The following BLMH variants were observed in gnomAD, a reference collection of about 807,000 sequenced individuals.
BLMH encodes the protein bleomycin hydrolase.
Under a neutral mutation model 61.6 loss-of-function variants are expected in BLMH, and 32 were observed. That is an observed-to-expected ratio of 0.52 (90% CI 0.39 to 0.70). The LOEUF (loss-of-function observed/expected upper bound fraction) is 0.70. BLMH is among the 30% of genes least tolerant of loss of function. The pLI, the probability that BLMH is intolerant of heterozygous loss-of-function variation, is 0.00. For synonymous variants in BLMH, 183 were observed against 193.8 expected, an observed-to-expected ratio of 0.94 and a Z score of 0.46; for missense variants, 460 against 555.5, an observed-to-expected ratio of 0.83 and a Z score of 1.73.
intron 3 of BLMH, among the ~76,000 whole-genome samples, chr17:30,288,502 A>G (rs942415078): frequency 6.6e-6 from 1 of 151,908 alleles, no homozygotes; most frequent in Non-Finnish European, 1.5e-5. Context: ...ACAGGTGTGC[A>G]CCACGCGTGG....
At position 30,291,424 on chromosome 17, in the gene BLMH, G is replaced by C. The variant is rs774924295; in HGVS notation, c.98C>G (p.Thr33Ser). 4.3e-6 allele frequency: 7 copies of C among 1,614,224 alleles called. No individual in the cohort carries two copies. In the South Asian group the frequency reaches 5.5e-5, roughly 13 times the overall value. The change falls in exon 2 of 12, where the codon ACC becomes AGC. Residue 33 changes from threonine (T) to serine (S), a missense_variant. By Grantham distance (58) the Thr-to-Ser change is moderately conservative. Coordinates refer to ENST00000261714, the MANE Select transcript of BLMH (RefSeq NM_000386.4). ...CAGACAGATGTCCAGCAGGTCGTGG[G>C]TGGTCCCGACATTCTGGGCAAGTAC... ...QFVLAQNVGT[T>S]HDLLDICLKR... is the part of the protein sequence containing the mutation.
intron 6 of BLMH, among the ~76,000 whole-genome samples, chr17:30,278,616 C>T (rs1222838983): frequency 6.6e-6 from 1 of 152,116 alleles, no homozygotes; most frequent in Non-Finnish European, 1.5e-5. Context: ...TCTCCAATGC[C>T]TAGAATAGTG....
chr17:30,290,787 T>C (rs560154214), intron 2 of BLMH, among the ~76,000 whole-genome samples: 1 of 152,322 alleles, frequency 6.6e-6, no homozygotes, highest in Admixed American at 6.5e-5. Context: ...GAACAGAACT[T>C]TTTTCTGTAT....
chr17:30,268,662 T>TA (rs142898095), intron 10 of BLMH, among the ~76,000 whole-genome samples: 12,739 of 151,810 alleles, frequency 0.084, 815 homozygotes, highest in African/African-American at 0.17. Context: ...ATAACAGAGA[T>TA]AGAAATGATA....
At chr17:30,287,656 A>G in intron 4 of BLMH, 150 bp downstream of exon 4, 1 of 834,324 alleles carries the variant, frequency 1.2e-6, no homozygotes, top group Non-Finnish European at 1.7e-6. Context: ...ATAGGTGAGA[A>G]TGTGAACTAA....
intron 11 of BLMH, among the ~76,000 whole-genome samples, chr17:30,258,897 C>A (rs1189358215): frequency 6.6e-6 from 1 of 152,188 alleles, no homozygotes; most frequent in Non-Finnish European, 1.5e-5. Context: ...TATTTCTTGG[C>A]TTCACTCCTC....
Position 30,249,019 on chromosome 17 carries a change from A to G in BLMH, c.1366T>C (p.Ter456ArgextTer13). The stretch of plus-strand genomic sequence containing the variant: ...GAGGAAAGAGCTGGAGGGCAGTATC[A>G]CTCAGCCAAAGCTCCCATGGGGTCC... ...AWDPMGALAE[*>R] Residue 456 changes from the stop codon to arginine, a stop_lost, in exon 12 of 12, where the codon TGA becomes CGA. Coordinates refer to ENST00000261714, the MANE Select transcript of BLMH (RefSeq NM_000386.4). The G allele has an allele frequency of 1.2e-6, 2 of 1,613,926 alleles. No homozygotes were observed. The highest frequency in any genetic ancestry group is 1.7e-6 in the Non-Finnish European group (2 of 1,179,890).
At chr17:30,276,958 C>T (rs558367929) in intron 6 of BLMH, among the ~76,000 whole-genome samples, 1 of 152,166 alleles carries the variant, frequency 6.6e-6, no homozygotes, top group Non-Finnish European at 1.5e-5. Context: ...TCATAGAACA[C>T]ATTATCTTTT....
chr17:30,274,544 T>C (rs1457111732), intron 6 of BLMH, among the ~76,000 whole-genome samples: 1 of 152,220 alleles, frequency 6.6e-6, no homozygotes, highest in South Asian at 2.1e-4. Context: ...ATTTTTCAAG[T>C]AACCAAAAAA....
rs140169650 is a variant in BLMH, at chr17:30,250,982, G to C, written c.1217-1814C>G. On this transcript the variant is annotated intron_variant, in intron 11 of 11. Transcript: ENST00000261714. Reference sequence around the variant, plus strand: ...CATGATTCTAAATGAAGTAACTCAGGAATGGAAAACCAAATATCATATGTT... The same window carrying C: ...CATGATTCTAAATGAAGTAACTCAGCAATGGAAAACCAAATATCATATGTT... 5.0e-3 allele frequency among the ~76,000 whole-genome samples: 768 copies of C among 152,292 alleles called. 10 individuals are homozygous for C. Among genetic ancestry groups the C allele is most frequent in the African/African-American group, 0.017 (719 of 41,562 alleles).
At chr17:30,251,400 A>T (rs771402498) in intron 11 of BLMH, among the ~76,000 whole-genome samples, 4 of 152,254 alleles carry the variant, frequency 2.6e-5, no homozygotes, top group Non-Finnish European at 5.9e-5. Flanking sequence ...GCTGGGCCAC[A>T]GACAGAACAC....
chr17:30,254,555 C>A (rs954996389), intron 11 of BLMH, among the ~76,000 whole-genome samples: 2 of 151,758 alleles, frequency 1.3e-5, no homozygotes, highest in African/African-American at 4.8e-5. Context: ...GTGGCATATC[C>A]AGTATAATTA....
intron 2 of BLMH, among the ~76,000 whole-genome samples, chr17:30,290,073 T>C (rs1908842515): frequency 6.6e-6 from 1 of 152,180 alleles, no homozygotes; most frequent in Non-Finnish European, 1.5e-5. Flanking sequence ...AAAAATAATT[T>C]TGTAACAAGA....
At chr17:30,262,129 A>T (rs900557691) in intron 11 of BLMH, among the ~76,000 whole-genome samples, 1 of 152,254 alleles carries the variant, frequency 6.6e-6, no homozygotes, top group African/African-American at 2.4e-5. Context: ...TGAACATTGC[A>T]GAATTAGAAA....
In BLMH at chr17:30,287,919, G is replaced by C. The variant is rs1356575674; in HGVS notation, c.350C>G (p.Ala117Gly). Residue 117 changes from alanine to glycine, a missense_variant, in exon 4 of 12, where the codon GCT becomes GGT. By Grantham distance (60) the Ala-to-Gly change is moderately conservative (BLOSUM62 0). Around this residue, in one of 5 missense-constraint regions of BLMH, gnomAD observed 43 missense variants for 38.8 expected, o/e 1.11. Transcript: ENST00000261714. ...CTTTCTCTGGGCTGTGTCCACAAAA[G>C]CACTCAAGAAGAAATAACAGCGTTC... is the stretch of plus-strand genomic sequence containing the variant. ...KVERCYFFLSAFVDTAQRKEP... is the reference protein window; with the variant it reads ...KVERCYFFLSGFVDTAQRKEP... 2.5e-6 allele frequency: 4 copies of C among 1,613,668 alleles called. No homozygotes were observed. The highest frequency in any genetic ancestry group is 3.4e-6 in the Non-Finnish European group (4 of 1,179,846).
intron 3 of BLMH, among the ~76,000 whole-genome samples, chr17:30,288,726 A>G (rs1908800823): frequency 1.3e-5 from 2 of 152,118 alleles, no homozygotes; most frequent in African/African-American, 4.8e-5. Context: ...GCACTTTGGG[A>G]GGCCAAGGCA....
intron 2 of BLMH, 127 bp downstream of exon 2, chr17:30,291,184 G>A: frequency 8.4e-7 from 1 of 1,186,834 alleles, no homozygotes; most frequent in Non-Finnish European, 1.2e-6. Flanking sequence ...CTGTACCTGT[G>A]CCTCATTCTT....
intron 11 of BLMH, among the ~76,000 whole-genome samples, chr17:30,259,846 A>G (rs1312864848): frequency 1.3e-5 from 2 of 152,146 alleles, no homozygotes; most frequent in East Asian, 3.9e-4. Flanking sequence ...CTCTCACGAC[A>G]CTAAGCCCAC....
intron 10 of BLMH, among the ~76,000 whole-genome samples, chr17:30,268,593 T>C (rs1166951344): frequency 6.6e-6 from 1 of 151,988 alleles, no homozygotes; most frequent in Non-Finnish European, 1.5e-5. Context: ...AGAATGGAAG[T>C]TCCCAAGAAA....
Sources: allele counts gnomAD v4.1 joint callset (sites outside exome capture counted in the v4.1 genomes callset), GRCh38; gene constraint gnomAD v4.1.1; regional missense constraint gnomAD v4.1.1; transcripts MANE v1.5; gene names NCBI Gene and HGNC (gene_info 2026-07-23, HGNC 2026-07-21).